The following GSE1 variants were observed in gnomAD, a reference collection of about 807,000 sequenced individuals.
GSE1 encodes the protein Gse1 coiled-coil protein.
GSE1 carries 32 observed loss-of-function variants against 112.6 expected under a neutral mutation model. That is an observed-to-expected ratio of 0.28 (90% CI 0.21 to 0.38). The LOEUF (loss-of-function observed/expected upper bound fraction) is 0.38. Among genes scored for constraint, GSE1 ranks in the 10% least tolerant of loss-of-function variants. The pLI is 1.00. For missense variants in GSE1, 2,348 were observed against 1,699.2 expected (o/e 1.38, Z -6.71); for synonymous variants, 1,115 against 735.6 (o/e 1.52, Z -8.35).
intron 1 of GSE1, among the ~76,000 whole-genome samples, chr16:85,267,242 G>A (rs932234713): frequency 2.0e-5 from 3 of 152,208 alleles, no homozygotes; most frequent in Non-Finnish European, 4.4e-5. Flanking sequence ...CCCCATCGGG[G>A]TGCCCAGGAA....
chr16:85,315,844 G>T (rs2045973552), intron 1 of GSE1, among the ~76,000 whole-genome samples: 1 of 152,210 alleles, frequency 6.6e-6, no homozygotes, highest in Admixed American at 6.5e-5. Flanking sequence ...GGGGATAAAG[G>T]CTTCGGAGCA....
intron 1 of GSE1, among the ~76,000 whole-genome samples, chr16:85,584,137 TTGTG>T (rs2046577956): frequency 6.6e-6 from 1 of 152,148 alleles, no homozygotes; most frequent in Non-Finnish European, 1.5e-5. Context: ...CCTTGGGTCT[TTGTG>T]TGCGTGCGTG....
At chr16:85,659,371 A>G (rs1159780218) in intron 8 of GSE1, 2 of 152,212 alleles carry the variant, frequency 1.3e-5, no homozygotes, top group Non-Finnish European at 2.9e-5. Flanking sequence ...TAAAAAAAAG[A>G]AAGATAGCCA....
intron 1 of GSE1, among the ~76,000 whole-genome samples, chr16:85,213,192 C>T (rs1214124902): frequency 6.6e-6 from 1 of 151,668 alleles, no homozygotes; most frequent in African/African-American, 2.4e-5. Flanking sequence ...TCTCTTGAAC[C>T]CGGGAGGCAG....
intron 1 of GSE1, chr16:85,594,887 G>C (rs1303578845): frequency 6.6e-6 from 1 of 152,470 alleles, no homozygotes. Flanking sequence ...GGCCCACGAG[G>C]CTGTGCTGAA....
intron 1 of GSE1, among the ~76,000 whole-genome samples, chr16:85,290,978 C>T (rs757487357): frequency 1.3e-5 from 2 of 152,208 alleles, no homozygotes; most frequent in African/African-American, 4.8e-5. Flanking sequence ...GTGTCAGAGC[C>T]GTAGCAGACA....
intron 1 of GSE1, among the ~76,000 whole-genome samples, chr16:85,274,200 A>G (rs112242858): frequency 0.016 from 2,432 of 151,694 alleles, 54 homozygotes; most frequent in African/African-American, 0.056. Context: ...CCTGACCAAC[A>G]TGATGAAACC....
chr16:85,207,132 C>T (rs1160383314), intron 1 of GSE1, among the ~76,000 whole-genome samples: 10 of 152,178 alleles, frequency 6.6e-5, no homozygotes, highest in Admixed American at 1.3e-4. Context: ...TGCCTGCCTT[C>T]TCCCCACCTA....
intron 2 of GSE1, among the ~76,000 whole-genome samples, chr16:85,416,558 G>C (rs1423946578): frequency 6.6e-6 from 1 of 152,258 alleles, no homozygotes; most frequent in Non-Finnish European, 1.5e-5. Flanking sequence ...GGGGAGCCCG[G>C]GTTGAGGGTG....
rs143587465 is a variant in GSE1, at chr16:85,672,197, G to C, written c.3520-208G>C. The C allele has an allele frequency of 1.5e-3, 877 of 574,660 alleles. 2 individuals carry two copies. Among genetic ancestry groups the C allele is most frequent in the African/African-American group, 0.015 (815 of 54,094 alleles). The allele number at this position is 574,660 out of a possible 1,614,324, so 35.6% of individuals were successfully genotyped here. On this transcript the variant is annotated intron_variant, in intron 15 of 15. Transcript: ENST00000253458. ...TGTTTAGTAGATGGGGTTTCCCCAT[G>C]TTGGCCAGGCTGGTCTCGAACTCCT...
intron 2 of GSE1, among the ~76,000 whole-genome samples, chr16:85,380,392 C>G (rs2047519218): frequency 6.6e-6 from 1 of 152,168 alleles, no homozygotes; most frequent in African/African-American, 2.4e-5. Context: ...TAAAACCACC[C>G]TCTAAATCCT....
chr16:85,580,642 T>TC (rs1225940109), intron 1 of GSE1, among the ~76,000 whole-genome samples: 1 of 152,168 alleles, frequency 6.6e-6, no homozygotes, highest in Non-Finnish European at 1.5e-5. Context: ...ATGTTTGTGC[T>TC]CCCCCAAATT....
intron 2 of GSE1, among the ~76,000 whole-genome samples, chr16:85,464,479 G>A (rs1334795077): frequency 6.6e-6 from 1 of 152,210 alleles, no homozygotes; most frequent in Non-Finnish European, 1.5e-5. Flanking sequence ...CTTCCTCCGG[G>A]TGCCCGGCTG....
At chr16:85,289,197 T>C (rs1183069625) in intron 1 of GSE1, among the ~76,000 whole-genome samples, 3 of 152,188 alleles carry the variant, frequency 2.0e-5, no homozygotes, top group African/African-American at 7.2e-5. Flanking sequence ...CATGACCTGC[T>C]ACATGGGAGG....
intron 2 of GSE1, among the ~76,000 whole-genome samples, chr16:85,647,100 C>T (rs971067809): frequency 6.6e-6 from 1 of 152,192 alleles, no homozygotes; most frequent in Non-Finnish European, 1.5e-5. Context: ...TCCCTTAGGG[C>T]CTGGGAACAC....
At chr16:85,241,053 T>C (rs910780192) in intron 1 of GSE1, among the ~76,000 whole-genome samples, 9 of 152,176 alleles carry the variant, frequency 5.9e-5, no homozygotes, top group Non-Finnish European at 1.2e-4. Flanking sequence ...ATGCCTGTCA[T>C]GGTTTTCAAG....
rs1173716100 is a variant in GSE1 at position 85,311,501 on chromosome 16, GGGGA to G, written c.2284-45945_2284-45942del. Among the ~76,000 whole-genome samples the G allele has an allele frequency of 3.3e-5, 5 of 152,108 alleles. No homozygotes were observed. The highest frequency in any genetic ancestry group is 2.1e-4 in the South Asian group (1 of 4,822). On this transcript the variant is annotated intron_variant, in intron 1 of 2. Coordinates refer to the GSE1 transcript ENST00000637419. This position sits in a 1 kb window ranked among gnomAD's most constrained non-coding sequence, Gnocchi z 4.2. ...CGGCTGCCTCCCACCGTGGGACATT[GGGGA>G]GGGAGGGAGGGAGGGAAGGAGGTGC...
At chr16:85,238,257 C>A (rs1555545103) in intron 1 of GSE1, among the ~76,000 whole-genome samples, 1 of 152,188 alleles carries the variant, frequency 6.6e-6, no homozygotes, top group Non-Finnish European at 1.5e-5. Context: ...CCTCACATCC[C>A]CAGACAGAGT....
At chr16:85,601,485 C>T (rs1363285300) in intron 1 of GSE1, among the ~76,000 whole-genome samples, 5 of 151,986 alleles carry the variant, frequency 3.3e-5, no homozygotes, top group African/African-American at 1.2e-4. Context: ...GGCTCTCTGG[C>T]AAGAGGCAGA....
Sources: gnomAD v4.1 joint callset for allele counts (sites outside exome capture counted in the v4.1 genomes callset) on GRCh38, gnomAD v4.1.1 for gene constraint, Gnocchi (gnomAD v3.1) non-coding constraint, MANE v1.5 for transcripts, NCBI Gene and HGNC (gene_info 2026-07-23, HGNC 2026-07-21) for gene names.